Variants in AOAH observed in about 807,000 individuals in gnomAD.
The protein encoded by AOAH is acyloxyacyl hydrolase.
AOAH carries 64 observed loss-of-function variants against 92.2 expected under a neutral mutation model. The ratio of observed to expected loss-of-function variants is 0.69; its 90% CI spans 0.57 to 0.86. The LOEUF (loss-of-function observed/expected upper bound fraction) is 0.86, where lower values mean the gene tolerates loss of function less well. Among genes scored for constraint, AOAH ranks in the 40% least tolerant of loss-of-function variants. AOAH has a pLI of 0.00. For synonymous variants in AOAH, 263 were observed against 254.5 expected, an observed-to-expected ratio of 1.03 and a Z score of -0.32; for missense variants, 656 against 694.6, an observed-to-expected ratio of 0.94 and a Z score of 0.62.
At chr7:36,536,780 T>C (rs763575008) in intron 16 of AOAH, among the ~76,000 whole-genome samples, 2 of 151,244 alleles carry the variant, frequency 1.3e-5, no homozygotes, top group Non-Finnish European at 3.0e-5. Flanking sequence ...GAAACCCCAT[T>C]TCTACTAAAA....
chr7:36,696,790 G>A (rs1023667253), intron 1 of AOAH, among the ~76,000 whole-genome samples: 9 of 151,964 alleles, frequency 5.9e-5, no homozygotes, highest in African/African-American at 1.9e-4. Flanking sequence ...AGCCGAGACC[G>A]GGAGGCGGAG....
intron 11 of AOAH, 29 bp downstream of exon 11, chr7:36,616,351 C>T (rs765755171): frequency 1.3e-6 from 2 of 1,577,072 alleles, no homozygotes; most frequent in South Asian, 2.2e-5. Context: ...GCCAGCACAT[C>T]TGGAATGATT....
At chr7:36,625,510 G>C (rs375261272) in intron 6 of AOAH, among the ~76,000 whole-genome samples, 1 of 152,170 alleles carries the variant, frequency 6.6e-6, no homozygotes, top group Non-Finnish European at 1.5e-5. Context: ...GTGATTATGA[G>C]TGCCTGCTGT....
chr7:36,678,981 A>G (rs1459038393), intron 2 of AOAH, among the ~76,000 whole-genome samples: 4 of 152,216 alleles, frequency 2.6e-5, no homozygotes, highest in Non-Finnish European at 5.9e-5. Flanking sequence ...GGATCATACA[A>G]GAGTATTTAA....
chr7:36,538,791 A>G (rs1378699473), intron 16 of AOAH, among the ~76,000 whole-genome samples: 1 of 152,254 alleles, frequency 6.6e-6, no homozygotes, highest in Non-Finnish European at 1.5e-5. Flanking sequence ...CGGCGTGGTC[A>G]AAGTTGCATG....
chr7:36,699,906 C>A (rs1048131942), intron 1 of AOAH, among the ~76,000 whole-genome samples: 17 of 151,974 alleles, frequency 1.1e-4, no homozygotes, highest in African/African-American at 4.1e-4. Context: ...CCAATGTTTT[C>A]TTCTAGTAGT....
intron 2 of AOAH, among the ~76,000 whole-genome samples, chr7:36,679,685 G>A (rs1487147711): frequency 6.6e-6 from 1 of 150,382 alleles, no homozygotes; most frequent in African/African-American, 2.4e-5. Context: ...TTGAGACGGA[G>A]TCTTGCTCTG....
At chr7:36,668,799 C>G (rs1795722395) in intron 3 of AOAH, among the ~76,000 whole-genome samples, 1 of 152,232 alleles carries the variant, frequency 6.6e-6, no homozygotes. Context: ...GATCTTACTT[C>G]TCTTAAAGAT....
In AOAH at chr7:36,540,380, C is replaced by T. The variant is rs149792324; in HGVS notation, c.1245G>A (p.Leu415=). 1 of 1,613,962 alleles carries T rather than the reference C, an allele frequency of 6.2e-7. No individual in the cohort carries two copies. Among genetic ancestry groups the T allele is most frequent in the Non-Finnish European group, 8.5e-7 (1 of 1,179,916 alleles). The change falls in exon 16 of 21, where the codon TTG becomes TTA. Residue 415 remains leucine, a synonymous_variant. Transcript: ENST00000617537. The stretch of plus-strand genomic sequence containing the variant: ...GAAAGGTTCCATCTGGTAAGCCATA[C>T]AAAATAACATGGCTGCCATTGGGCA... The part of the protein sequence containing the change: ...SHLPNGSHVI[L]YGLPDGTFLW...
At chr7:36,515,484 C>CCA (rs1554360084) in intron 20 of AOAH, among the ~76,000 whole-genome samples, 2 of 112,102 alleles carry the variant, frequency 1.8e-5, no homozygotes, top group Admixed American at 1.0e-4. Flanking sequence ...CAACCCCACA[C>CCA]CACACACATA....
chr7:36,581,355 C>T (rs1295428632), intron 12 of AOAH, among the ~76,000 whole-genome samples: 1 of 152,200 alleles, frequency 6.6e-6, no homozygotes, highest in East Asian at 1.9e-4. Flanking sequence ...TCCTCTTGGA[C>T]AAATTCATTT....
At chr7:36,672,789 A>C (rs115989062) in intron 3 of AOAH, among the ~76,000 whole-genome samples, 1,944 of 152,330 alleles carry the variant, frequency 0.013, 35 homozygotes, top group African/African-American at 0.044. Context: ...AGTTAAAAAA[A>C]AATAGAATGT....
chr7:36,684,547 A>G, intron 2 of AOAH, among the ~76,000 whole-genome samples: 1 of 152,268 alleles, frequency 6.6e-6, no homozygotes, highest in East Asian at 1.9e-4. Flanking sequence ...GAAATAATAG[A>G]TAAGAATATC....
chr7:36,668,116 G>A (rs1795661583), intron 3 of AOAH, among the ~76,000 whole-genome samples: 1 of 152,010 alleles, frequency 6.6e-6, no homozygotes, highest in Admixed American at 6.5e-5. Flanking sequence ...GTTGTTCTTT[G>A]TTTTTATTTT....
intron 11 of AOAH, among the ~76,000 whole-genome samples, chr7:36,613,026 G>GT (rs145375109): frequency 7.2e-5 from 11 of 151,906 alleles, no homozygotes; most frequent in Non-Finnish European, 1.0e-4. Context: ...ATTATATCTA[G>GT]TTTTTTTTGT....
Position 36,622,176 on chromosome 7 carries a change from C to T in AOAH, c.583-396G>A, listed in dbSNP as rs1187425346. On this transcript the variant is annotated intron_variant, in intron 7 of 20. Transcript: ENST00000617537. ...CATATTGTAGATGTGTGTGCATGTACACACGTGTGTTTGTGTGAATATGTG... is the reference window on the plus strand; with the variant it reads ...CATATTGTAGATGTGTGTGCATGTATACACGTGTGTTTGTGTGAATATGTG... 2.6e-5 allele frequency among the ~76,000 whole-genome samples: 4 copies of T among 152,076 alleles called. No individual in the cohort carries two copies. The East Asian group carries it at 7.7e-4, about 29-fold the overall frequency.
At chr7:36,551,078 T>TTC (rs1411743964) in intron 13 of AOAH, among the ~76,000 whole-genome samples, 6 of 148,464 alleles carry the variant, frequency 4.0e-5, no homozygotes, top group African/African-American at 1.5e-4. Flanking sequence ...ATTTCTTTCT[T>TTC]TTTTTTTTTT....
chr7:36,670,488 G>C (rs904827465), intron 3 of AOAH, among the ~76,000 whole-genome samples: 1 of 152,154 alleles, frequency 6.6e-6, no homozygotes, highest in South Asian at 2.1e-4. Context: ...GCGAGAATTA[G>C]TCTCTTTATT....
In AOAH at chr7:36,724,181, C is replaced by A; in HGVS notation, c.-33G>T. Reference sequence around the variant, plus strand: ...CTATGCACCCCAAGTGATCACCCGGCTTTGGAAGCTCCCAACTGAGGGATG... The same window carrying A: ...CTATGCACCCCAAGTGATCACCCGGATTTGGAAGCTCCCAACTGAGGGATG... On this transcript the variant is annotated 5_prime_UTR_variant, in exon 1 of 21. Coordinates refer to ENST00000617537, the MANE Select transcript of AOAH (RefSeq NM_001637.4). 1 of 1,608,724 alleles carries A rather than the reference C, an allele frequency of 6.2e-7. No homozygotes were observed. The highest frequency in any genetic ancestry group is 8.5e-7 in the Non-Finnish European group (1 of 1,176,772).
Sources: gnomAD v4.1 joint callset for allele counts (sites outside exome capture counted in the v4.1 genomes callset) on GRCh38, gnomAD v4.1.1 for gene constraint, MANE v1.5 for transcripts, NCBI Gene and HGNC (gene_info 2026-07-23, HGNC 2026-07-21) for gene names.